Variants in RGS5 observed in about 807,000 individuals in gnomAD.
The protein encoded by RGS5 is regulator of G-protein signalling 5.
In RGS5, 20 loss-of-function variants were observed where a neutral mutation model predicts 18.9. The observed-to-expected ratio is 1.06, with a 90% CI of 0.74 to 1.54. The LOEUF is 1.54. Among genes scored for constraint, RGS5 ranks in the 40% most tolerant of loss-of-function variants. RGS5 has a pLI of 0.00. For missense variants in RGS5, 201 were observed against 211.8 expected (o/e 0.95, Z 0.32); for synonymous variants, 57 against 76.2 (o/e 0.75, Z 1.31).
At chr1:163,216,294 G>A (rs1191093012) in intron 1 of RGS5, among the ~76,000 whole-genome samples, 1 of 152,094 alleles carries the variant, frequency 6.6e-6, no homozygotes, top group African/African-American at 2.4e-5. Flanking sequence ...GCAAGAGAGG[G>A]GGACATGAGG....
upstream of RGS5, among the ~76,000 whole-genome samples, chr1:163,217,939 T>C (rs1217103959): frequency 6.6e-6 from 1 of 152,106 alleles, no homozygotes; most frequent in Non-Finnish European, 1.5e-5. Context: ...AGGTAGGACA[T>C]GGAGCCATGA....
At position 163,169,792 on chromosome 1, in the gene RGS5, A is replaced by G. The variant is rs1381678220; in HGVS notation, c.45-1424T>C. Among the ~76,000 whole-genome samples the G allele has an allele frequency of 2.0e-5, 3 of 152,082 alleles. No individual in the cohort carries two copies. In the East Asian group the frequency reaches 5.8e-4, roughly 29 times the overall value. ...CTATAAAATTAAATCATTCCACTTG[A>G]TTATTTATTTCTCTATAAAATTTTT... On this transcript the variant is annotated intron_variant, in intron 1 of 4. Coordinates refer to ENST00000313961, the MANE Select transcript of RGS5 (RefSeq NM_003617.4).
intron 4 of RGS5, among the ~76,000 whole-genome samples, chr1:163,147,706 C>G (rs539927735): frequency 6.6e-6 from 1 of 152,104 alleles, no homozygotes; most frequent in East Asian, 1.9e-4. Flanking sequence ...GTATTAGACA[C>G]CCACCAGGTG....
intron 1 of RGS5, among the ~76,000 whole-genome samples, chr1:163,185,411 T>C (rs1039820071): frequency 2.0e-5 from 3 of 152,020 alleles, no homozygotes; most frequent in African/African-American, 7.2e-5. Context: ...AAGGTGAGAG[T>C]TCAGAAGAAT....
upstream of RGS5, among the ~76,000 whole-genome samples, chr1:163,220,536 GAC>G (rs1219424696): frequency 6.6e-6 from 1 of 152,038 alleles, no homozygotes; most frequent in Non-Finnish European, 1.5e-5. Context: ...TCTTTACGGT[GAC>G]TTTCAAACTT....
chr1:163,160,035 TC>T (rs1243395747), intron 3 of RGS5, among the ~76,000 whole-genome samples: 1 of 152,194 alleles, frequency 6.6e-6, no homozygotes. Context: ...AAATCTTCAG[TC>T]CTTCAAACAC....
At chr1:163,269,386 AG>A (rs1648653340) in intron 2 of RGS5, among the ~76,000 whole-genome samples, 1 of 152,112 alleles carries the variant, frequency 6.6e-6, no homozygotes, top group Non-Finnish European at 1.5e-5. Flanking sequence ...CTTTCAGCTT[AG>A]ATAACACATA....
chr1:163,266,130 A>T (rs1648567271), intron 2 of RGS5, among the ~76,000 whole-genome samples: 1 of 137,592 alleles, frequency 7.3e-6, no homozygotes, highest in Non-Finnish European at 1.6e-5. Context: ...CCTCAGAGGG[A>T]TCTGCTCCTG....
intron 1 of RGS5, among the ~76,000 whole-genome samples, chr1:163,318,491 A>T (rs1411582315): frequency 6.6e-6 from 1 of 152,204 alleles, no homozygotes; most frequent in East Asian, 1.9e-4. Context: ...GACAAATTAG[A>T]GTTTGAAGGG....
chr1:163,216,551 GCTATAGATAGCAC>G (rs1425549946), intron 1 of RGS5, among the ~76,000 whole-genome samples: 1 of 152,172 alleles, frequency 6.6e-6, no homozygotes, highest in Non-Finnish European at 1.5e-5. Context: ...ATTGACTTCA[GCTATAGATAGCAC>G]GGTGGAGATT....
At chr1:163,167,139 T>C (rs1658089176) in intron 2 of RGS5, among the ~76,000 whole-genome samples, 1 of 152,206 alleles carries the variant, frequency 6.6e-6, no homozygotes, top group Middle Eastern at 3.2e-3. Context: ...AACTCATCTC[T>C]TTATCTCCCA....
intron 1 of RGS5, chr1:163,308,630 C>T (rs1162216453): frequency 6.6e-6 from 1 of 152,144 alleles, no homozygotes; most frequent in Non-Finnish European, 1.5e-5. Flanking sequence ...GCCAATAGTT[C>T]ACTGTCATGA....
Position 163,272,037 on chromosome 1 carries a change from C to T in RGS5, c.-281+34196G>A, listed in dbSNP as rs544417080. On this transcript the variant is annotated intron_variant, in intron 2 of 5. Coordinates refer to the RGS5 transcript ENST00000618415. ...TCCTTCCTTCCTCTCTCTCTGTCTC[C>T]CTCTCTCTCTCTTTTTCTTTTTTTC... Among the ~76,000 whole-genome samples, 12 of 150,950 alleles carry T rather than the reference C, an allele frequency of 7.9e-5. No individual in the cohort carries two copies. In the South Asian group the frequency reaches 1.0e-3, roughly 13 times the overall value.
intron 2 of RGS5, among the ~76,000 whole-genome samples, chr1:163,296,947 GC>G (rs1334581559): frequency 6.6e-6 from 1 of 152,108 alleles, no homozygotes; most frequent in Non-Finnish European, 1.5e-5. Flanking sequence ...ATCTTTATTT[GC>G]AAGAGTCTTT....
chr1:163,194,802 G>A (rs576810756), intron 1 of RGS5, among the ~76,000 whole-genome samples: 17 of 152,088 alleles, frequency 1.1e-4, no homozygotes, highest in African/African-American at 3.1e-4. Context: ...GATTCTTACC[G>A]GATATTCAAT....
intron 2 of RGS5, among the ~76,000 whole-genome samples, chr1:163,296,997 T>C (rs1225939561): frequency 3.3e-5 from 5 of 152,184 alleles, no homozygotes; most frequent in African/African-American, 1.2e-4. Flanking sequence ...AAATCACTAA[T>C]GACTCTTAAA....
chr1:163,297,476 T>C (rs1285514083), intron 2 of RGS5, among the ~76,000 whole-genome samples: 1 of 152,134 alleles, frequency 6.6e-6, no homozygotes, highest in Non-Finnish European at 1.5e-5. Context: ...CCAGCCTGAC[T>C]CCCTTTCCCT....
chr1:163,280,358 T>C (rs955683932), intron 2 of RGS5, among the ~76,000 whole-genome samples: 1 of 152,056 alleles, frequency 6.6e-6, no homozygotes, highest in Non-Finnish European at 1.5e-5. Context: ...TTTCAACATA[T>C]GCAATTCAAT....
chr1:163,175,259 T>C (rs540038610), intron 1 of RGS5, among the ~76,000 whole-genome samples: 1 of 152,142 alleles, frequency 6.6e-6, no homozygotes, highest in African/African-American at 2.4e-5. Flanking sequence ...TGAGAACTAA[T>C]CTGAGAGGTA....
Sources: gnomAD v4.1 joint callset for allele counts (sites outside exome capture counted in the v4.1 genomes callset) on GRCh38, gnomAD v4.1.1 for gene constraint, MANE v1.5 for transcripts, NCBI Gene and HGNC (gene_info 2026-07-23, HGNC 2026-07-21) for gene names.